The following KDM4B variants were observed in gnomAD, a reference collection of about 807,000 sequenced individuals.
The protein encoded by KDM4B is lysine demethylase 4B.
Under a neutral mutation model 125.2 loss-of-function variants are expected in KDM4B, and 32 were observed. That is an observed-to-expected ratio of 0.26 (90% CI 0.19 to 0.34). The LOEUF (loss-of-function observed/expected upper bound fraction) is 0.34. Ranked by LOEUF, KDM4B falls within the 10% of genes least tolerant of loss-of-function variation. KDM4B has a pLI of 1.00. For missense variants in KDM4B, 1,190 were observed against 1,577.7 expected (o/e 0.75, Z 4.16); for synonymous variants, 721 against 677.9 (o/e 1.06, Z -0.99).
At chr19:4,987,433 G>C (rs1159339284) in intron 1 of KDM4B, among the ~76,000 whole-genome samples, 1 of 152,044 alleles carries the variant, frequency 6.6e-6, no homozygotes, top group African/African-American at 2.4e-5. Flanking sequence ...GCTGGAATCT[G>C]TCTGGGAGGA....
chr19:5,069,065 G>C (rs1455116631), intron 6 of KDM4B, among the ~76,000 whole-genome samples: 2 of 152,092 alleles, frequency 1.3e-5, no homozygotes, highest in Middle Eastern at 3.2e-3. Flanking sequence ...TTTGGATTGG[G>C]ATTAAAATTT....
chr19:5,147,934 G>A (rs2039880403), intron 21 of KDM4B, among the ~76,000 whole-genome samples: 1 of 152,060 alleles, frequency 6.6e-6, no homozygotes, highest in Admixed American at 6.5e-5. Flanking sequence ...AGGAGATGGG[G>A]CTGGAGCTGC....
At chr19:5,013,987 G>A (rs979354217) in intron 1 of KDM4B, among the ~76,000 whole-genome samples, 8 of 152,226 alleles carry the variant, frequency 5.3e-5, no homozygotes, top group Admixed American at 3.3e-4. Context: ...CCCGTGGCCC[G>A]GCAGTCCAGG....
At chr19:5,024,894 G>A (rs948418702) in intron 2 of KDM4B, among the ~76,000 whole-genome samples, 6 of 152,250 alleles carry the variant, frequency 3.9e-5, no homozygotes, top group African/African-American at 1.4e-4. Flanking sequence ...GTTTCAGTGA[G>A]CTGAGATCGC....
At chr19:5,130,683 A>G (rs2039526485) in intron 11 of KDM4B, among the ~76,000 whole-genome samples, 1 of 152,260 alleles carries the variant, frequency 6.6e-6, no homozygotes, top group South Asian at 2.1e-4. Context: ...CTCCACCGGG[A>G]AAGTGCCATT....
intron 6 of KDM4B, among the ~76,000 whole-genome samples, chr19:5,062,287 C>A (rs1473505636): frequency 6.6e-6 from 1 of 152,244 alleles, no homozygotes; most frequent in East Asian, 1.9e-4. Flanking sequence ...CTTTTTCTAA[C>A]ATCTTTATCT....
At chr19:5,001,348 A>G (rs2035378322) in intron 1 of KDM4B, among the ~76,000 whole-genome samples, 1 of 152,126 alleles carries the variant, frequency 6.6e-6, no homozygotes, top group Non-Finnish European at 1.5e-5. Flanking sequence ...TCGCACGTGA[A>G]AGTGGCGCTG....
intron 1 of KDM4B, among the ~76,000 whole-genome samples, chr19:4,993,045 T>G (rs1204712401): frequency 2.0e-5 from 3 of 152,244 alleles, no homozygotes; most frequent in Non-Finnish European, 4.4e-5. Flanking sequence ...GTTCTATAGA[T>G]TCTTTTGGCT....
At chr19:5,148,037 A>G (rs1019395247) in intron 21 of KDM4B, among the ~76,000 whole-genome samples, 1 of 152,138 alleles carries the variant, frequency 6.6e-6, no homozygotes, top group African/African-American at 2.4e-5. Flanking sequence ...CCCACATGCC[A>G]AGGCCCCAAG....
chr19:4,984,668 C>T lies in KDM4B; in HGVS notation c.-109+15438C>T, dbSNP rs751708362. 3.9e-5 allele frequency among the ~76,000 whole-genome samples: 6 copies of T among 152,154 alleles called. No homozygotes were observed. The South Asian group carries it at 8.3e-4, about 21-fold the overall frequency. ...AACATGCCCCTCTGCTGCATGATGC[C>T]GCTGGGGCCCTCGGGAGGGCTTGGG... On this transcript the variant is annotated intron_variant, in intron 1 of 22. Coordinates refer to ENST00000159111, the MANE Select transcript of KDM4B (RefSeq NM_015015.3).
At chr19:5,048,607 G>C (rs994198649) in intron 6 of KDM4B, among the ~76,000 whole-genome samples, 1 of 152,142 alleles carries the variant, frequency 6.6e-6, no homozygotes, top group African/African-American at 2.4e-5. Context: ...GGGAGAGGGG[G>C]GGGCGGGGGA....
chr19:5,094,408 A>G (rs1298870648), intron 9 of KDM4B, among the ~76,000 whole-genome samples: 1 of 152,168 alleles, frequency 6.6e-6, no homozygotes, highest in African/African-American at 2.4e-5. Flanking sequence ...GGGCCTTTGA[A>G]GTTAGATTTC....
chr19:5,039,791 C>T, intron 3 of KDM4B, 45 bp from the exon 4 acceptor site: 1 of 1,594,298 alleles, frequency 6.3e-7, no homozygotes, highest in Non-Finnish European at 8.6e-7. Flanking sequence ...CTGGCCCTGC[C>T]CTGAGGGTCT....
chr19:4,982,760 G>A (rs879855754), intron 1 of KDM4B, among the ~76,000 whole-genome samples: 25 of 151,846 alleles, frequency 1.6e-4, no homozygotes, highest in Admixed American at 1.5e-3. Context: ...CTACAGGCGC[G>A]TGCCACCACA....
At chr19:5,000,944 C>T (rs1218536671) in intron 1 of KDM4B, among the ~76,000 whole-genome samples, 2 of 152,148 alleles carry the variant, frequency 1.3e-5, no homozygotes, top group Admixed American at 6.5e-5. Flanking sequence ...CCATTCCTGC[C>T]CACCCCCTGC....
intron 1 of KDM4B, among the ~76,000 whole-genome samples, chr19:4,980,901 C>T (rs968304880): frequency 3.6e-5 from 5 of 139,252 alleles, no homozygotes; most frequent in African/African-American, 5.7e-5. Flanking sequence ...GAATACAGGC[C>T]GAGATGGCCC....
Position 5,131,557 on chromosome 19 carries a change from C to CGGGGGAGGCAGGGAGGAGGGGGGCAGGTG in KDM4B, c.1785+16_1785+44dup. On this transcript the variant is annotated intron_variant, in intron 12 of 22. Transcript: ENST00000159111. ...CCGGAGAGGGGCAGGTGGGGTGGAGCGGGGGAGGCAGGGAGGAGGGGGGCA... is the reference window on the plus strand; with the variant it reads ...CCGGAGAGGGGCAGGTGGGGTGGAGCGGGGGAGGCAGGGAGGAGGGGGGCAGGTGGGGGGAGGCAGGGAGGAGGGGGGCA... The CGGGGGAGGCAGGGAGGAGGGGGGCAGGTG allele has an allele frequency of 3.6e-6, 1 of 280,258 alleles. No individual in the cohort carries two copies. The highest frequency in any genetic ancestry group is 1.0e-4 in the African/African-American group (1 of 9,838). 17.4% of individuals were successfully genotyped at this position (280,258 alleles called of 1,614,324 possible).
chr19:5,048,596 G>A (rs905694352), intron 6 of KDM4B, among the ~76,000 whole-genome samples: 8 of 148,606 alleles, frequency 5.4e-5, no homozygotes, highest in East Asian at 3.9e-4. Flanking sequence ...AGTTGTAAGC[G>A]GGGAGAGGGG....
rs534655501 is a variant in KDM4B at position 5,093,056 on chromosome 19, G to C, written c.918+10552G>C. On this transcript the variant is annotated intron_variant, in intron 9 of 22. Coordinates refer to ENST00000159111, the MANE Select transcript of KDM4B (RefSeq NM_015015.3). ...CCTCCCCTCCTAGTGCTCTGCCTCA[G>C]TTTCCCTCCTAGGGCTGTTGGAAGT... Among the ~76,000 whole-genome samples the C allele has an allele frequency of 2.0e-5, 3 of 152,314 alleles. 1 individual carries two copies. The East Asian group carries it at 5.8e-4, about 29-fold the overall frequency.
Sources: gnomAD v4.1 joint callset for allele counts (sites outside exome capture counted in the v4.1 genomes callset) on GRCh38, gnomAD v4.1.1 for gene constraint, MANE v1.5 for transcripts, NCBI Gene and HGNC (gene_info 2026-07-23, HGNC 2026-07-21) for gene names.